MCM9: variants seen among roughly 807,000 people sequenced by gnomAD.
MCM9 encodes the protein DNA helicase MCM9.
In MCM9, 55 loss-of-function variants were observed where a neutral mutation model predicts 72.8. The observed-to-expected ratio is 0.76, with a 90% CI of 0.61 to 0.95. The LOEUF (loss-of-function observed/expected upper bound fraction) is 0.95. Ranked by LOEUF, MCM9 falls within the 40% of genes least tolerant of loss-of-function variation. The probability of loss-of-function intolerance (pLI) is 0.00; values close to 1 mark genes in which losing one functional copy is unlikely to be tolerated. For synonymous variants in MCM9, 480 were observed against 503.4 expected (o/e 0.95, Z 0.62); for missense variants, 1,279 against 1,377.0 (o/e 0.93, Z 1.13).
intron 8 of MCM9, chr6:118,894,570 C>T (rs1779212790): frequency 6.2e-6 from 9 of 1,453,918 alleles, no homozygotes; most frequent in Non-Finnish European, 8.4e-6. Flanking sequence ...GGGCTGCAGA[C>T]GTTGAAAGTT....
chr6:118,865,295 A>G lies in MCM9; in HGVS notation c.1151-8750T>C, dbSNP rs144556772. The stretch of plus-strand genomic sequence containing the variant: ...GCAGTGCAGAGAAGGGGCTTTAAAA[A>G]CAGCTATTTCTCCTCAAATGGGGTT... On this transcript the variant is annotated intron_variant, in intron 8 of 13. Transcript: ENST00000619706. 1.8e-3 allele frequency among the ~76,000 whole-genome samples: 277 copies of G among 152,328 alleles called. 1 individual carries two copies. The highest frequency in any genetic ancestry group is 0.01 in the South Asian group (50 of 4,826).
chr6:118,908,392 G>A (rs1780314809), intron 8 of MCM9: 2 of 152,062 alleles, frequency 1.3e-5, no homozygotes, highest in Admixed American at 1.3e-4. Context: ...AAGAATAGGG[G>A]ATTACAATGG....
intron 8 of MCM9, among the ~76,000 whole-genome samples, chr6:118,871,073 GAA>G (rs1489351399): frequency 1.3e-5 from 2 of 152,052 alleles, no homozygotes; most frequent in Non-Finnish European, 2.9e-5. Flanking sequence ...AAACTAGAGA[GAA>G]AGAGAATTCC....
At chr6:118,933,997 C>G (rs1368103176) in intron 1 of MCM9, among the ~76,000 whole-genome samples, 3 of 125,796 alleles carry the variant, frequency 2.4e-5, no homozygotes, top group Non-Finnish European at 5.0e-5. Flanking sequence ...GGACTCCCAA[C>G]AGTGGCTACA....
At chr6:118,913,527 A>G in intron 6 of MCM9, 107 bp from the exon 7 acceptor site, 2 of 1,342,090 alleles carry the variant, frequency 1.5e-6, no homozygotes, top group South Asian at 1.4e-5. Flanking sequence ...ATACTCTACT[A>G]TGTGAAGTGA....
intron 2 of MCM9, 103 bp from the exon 3 acceptor site, chr6:118,931,841 C>T: frequency 1.2e-6 from 1 of 807,230 alleles, no homozygotes; most frequent in Non-Finnish European, 1.9e-6. Context: ...TTGGGTCATA[C>T]TATAATCACA....
intron 13 of MCM9, among the ~76,000 whole-genome samples, chr6:118,820,747 G>A (rs1773744142): frequency 6.6e-6 from 1 of 152,156 alleles, no homozygotes; most frequent in African/African-American, 2.4e-5. Context: ...CTATTATTGT[G>A]TGGGAGTCTA....
In MCM9 at chr6:118,917,569, G is replaced by A. The variant is rs772909760; in HGVS notation, c.896C>T (p.Pro299Leu). 1.2e-6 allele frequency: 2 copies of A among 1,613,860 alleles called. No homozygotes were observed. The highest frequency in any genetic ancestry group is 1.7e-6 in the Non-Finnish European group (2 of 1,179,926). The change falls in exon 6 of 14, where the codon CCC becomes CTC. Residue 299 changes from proline to leucine, a missense_variant. Physicochemically the swap from Pro to Leu is moderately conservative, Grantham distance 98. Coordinates refer to ENST00000619706, the MANE Select transcript of MCM9 (RefSeq NM_017696.3). ...AGCCCTTAAACACAAACCTGCAAAGGGATCGCTCTTATAGTATTCCCAAAA... is the reference window on the plus strand; with the variant it reads ...AGCCCTTAAACACAAACCTGCAAAGAGATCGCTCTTATAGTATTCCCAAAA... ...EDFWEYYKSD[P>L]FAGRNVILAS...
chr6:118,852,622 G>A (rs1218100875), intron 9 of MCM9, among the ~76,000 whole-genome samples: 1 of 152,234 alleles, frequency 6.6e-6, no homozygotes, highest in African/African-American at 2.4e-5. Context: ...GCAGGGAAGA[G>A]ATGAGTATGG....
chr6:118,904,998 C>A (rs867917375), intron 8 of MCM9, among the ~76,000 whole-genome samples: 1 of 152,102 alleles, frequency 6.6e-6, no homozygotes, highest in Non-Finnish European at 1.5e-5. Flanking sequence ...CCACCATGCC[C>A]AGCTAATTTT....
chr6:118,867,033 C>T (rs1384556836), intron 8 of MCM9, among the ~76,000 whole-genome samples: 1 of 151,340 alleles, frequency 6.6e-6, no homozygotes, highest in East Asian at 1.9e-4. Flanking sequence ...CATTCAACAT[C>T]CTAAAAGGAA....
chr6:118,848,390 G>A (rs887727665), intron 9 of MCM9, among the ~76,000 whole-genome samples: 3 of 151,750 alleles, frequency 2.0e-5, no homozygotes, highest in Non-Finnish European at 4.4e-5. Flanking sequence ...TAGAATAGGG[G>A]TTGTCAAACT....
At chr6:118,900,186 A>G (rs1779713291) in intron 8 of MCM9, among the ~76,000 whole-genome samples, 1 of 152,186 alleles carries the variant, frequency 6.6e-6, no homozygotes, top group Non-Finnish European at 1.5e-5. Context: ...CGTAAGGGAA[A>G]AACCCTACCA....
At chr6:118,833,050 T>TTC (rs1774686952) in intron 9 of MCM9, among the ~76,000 whole-genome samples, 1 of 152,176 alleles carries the variant, frequency 6.6e-6, no homozygotes, top group Admixed American at 6.5e-5. Context: ...TGCAATCTTT[T>TTC]TCTCTCTCTT....
At position 118,879,744 on chromosome 6, in the gene MCM9, A is replaced by C. The variant is rs1433517314; in HGVS notation, c.1151-23199T>G. ...TGGGACATCAAATTAAAAAAAAAAA[A>C]AACTAATAGAAAGACTAGGCGGGGT... On this transcript the variant is annotated intron_variant, in intron 8 of 13. Coordinates refer to ENST00000619706, the MANE Select transcript of MCM9 (RefSeq NM_017696.3). Among the ~76,000 whole-genome samples the C allele has an allele frequency of 2.0e-5, 3 of 151,734 alleles. No individual in the cohort carries two copies. The East Asian group carries it at 5.8e-4, about 29-fold the overall frequency.
intron 8 of MCM9, among the ~76,000 whole-genome samples, chr6:118,858,858 A>G (rs1472653398): frequency 6.6e-6 from 1 of 152,210 alleles, no homozygotes; most frequent in Non-Finnish European, 1.5e-5. Flanking sequence ...ATTCTCCCCA[A>G]ACTGTTCTGT....
chr6:118,883,811 G>A (rs1215897637), intron 8 of MCM9, among the ~76,000 whole-genome samples: 1 of 152,124 alleles, frequency 6.6e-6, no homozygotes, highest in Non-Finnish European at 1.5e-5. Context: ...GTAGCTAGCA[G>A]ACATGCCTTA....
At chr6:118,820,680 A>G (rs1025152984) in intron 13 of MCM9, among the ~76,000 whole-genome samples, 2 of 152,074 alleles carry the variant, frequency 1.3e-5, no homozygotes, top group African/African-American at 4.8e-5. Context: ...ATATCCTTGT[A>G]AATTTTCTGC....
Position 118,815,290 on chromosome 6 carries a change from T to C in MCM9, c.2966A>G (p.Glu989Gly). The stretch of plus-strand genomic sequence containing the variant: ...TGGCTGCTGCGACACCTCCTTTGTC[T>C]CACCCTGTGGCTGACTGGAGATCTG... ...GNQISSQPQG[E>G]TKEVSQQPPE... is the part of the protein sequence containing the mutation. The change falls in exon 14 of 14, where the codon GAG becomes GGG. Residue 989 changes from glutamate to glycine, a missense_variant. Glu to Gly is a moderately conservative substitution (Grantham distance 98). Coordinates refer to ENST00000619706, the MANE Select transcript of MCM9 (RefSeq NM_017696.3). The C allele has an allele frequency of 1.3e-6, 2 of 1,550,696 alleles. No homozygotes were observed. The highest frequency in any genetic ancestry group is 1.7e-6 in the Non-Finnish European group (2 of 1,146,938).
Sources: gnomAD v4.1 joint callset for allele counts (sites outside exome capture counted in the v4.1 genomes callset) on GRCh38, gnomAD v4.1.1 for gene constraint, MANE v1.5 for transcripts, NCBI Gene and HGNC (gene_info 2026-07-23, HGNC 2026-07-21) for gene names.